MNAT1: variants seen among roughly 807,000 people sequenced by gnomAD.
The protein encoded by MNAT1 is MNAT1 component of CDK activating kinase.
MNAT1 carries 43 observed loss-of-function variants against 42.0 expected under a neutral mutation model. The ratio of observed to expected loss-of-function variants is 1.02; its 90% CI spans 0.80 to 1.32. The LOEUF is 1.32. Among genes scored for constraint, MNAT1 ranks in the 40% most tolerant of loss-of-function variants. The probability of loss-of-function intolerance (pLI) is 0.00; values close to 1 mark genes in which losing one functional copy is unlikely to be tolerated. For synonymous variants in MNAT1, 118 were observed against 120.0 expected (o/e 0.98, Z 0.11); for missense variants, 306 against 350.4 (o/e 0.87, Z 1.01).
At chr14:60,943,952 A>G (rs899532292) in intron 7 of MNAT1, among the ~76,000 whole-genome samples, 5 of 152,230 alleles carry the variant, frequency 3.3e-5, no homozygotes, top group East Asian at 1.9e-4. Context: ...TGTTATTCAT[A>G]TAAGTTTTGT....
chr14:60,759,576 A>G (rs2140298808), intron 1 of MNAT1, among the ~76,000 whole-genome samples: 1 of 152,314 alleles, frequency 6.6e-6, no homozygotes, highest in South Asian at 2.1e-4. Context: ...CATGAGATGC[A>G]TTCTTTAGTT....
intron 6 of MNAT1, among the ~76,000 whole-genome samples, chr14:60,845,171 T>A (rs1239231546): frequency 1.3e-5 from 2 of 151,916 alleles, no homozygotes; most frequent in African/African-American, 4.8e-5. Flanking sequence ...CTACCTTATG[T>A]TTGAAAGAGT....
intron 1 of MNAT1, among the ~76,000 whole-genome samples, chr14:60,736,122 G>A (rs1028756370): frequency 1.3e-5 from 2 of 152,218 alleles, no homozygotes; most frequent in Non-Finnish European, 2.9e-5. Flanking sequence ...GTAGAGCTGT[G>A]ATTGAATGAT....
intron 6 of MNAT1, among the ~76,000 whole-genome samples, chr14:60,857,054 G>A (rs932649905): frequency 8.5e-5 from 13 of 152,254 alleles, no homozygotes; most frequent in East Asian, 1.9e-4. Context: ...TAAAATGGGC[G>A]CAACCAAGTC....
In MNAT1 at chr14:60,818,706, T is replaced by TG. The variant is rs753778633; in HGVS notation, c.562-15dup. On this transcript the variant is annotated splice_polypyrimidine_tract_variant and intron_variant, in intron 5 of 7. Transcript: ENST00000261245. ...CCCTTTTTACATTTCTTATTGAACT[T>TG]GAACTATTCTTACAGGAGAGTTCTG... 3.2e-6 allele frequency: 5 copies of TG among 1,546,152 alleles called. No individual in the cohort carries two copies. In the Admixed American group the frequency reaches 9.8e-5, roughly 30 times the overall value.
At chr14:60,815,260 A>G (rs2032676018) in intron 5 of MNAT1, among the ~76,000 whole-genome samples, 1 of 150,864 alleles carries the variant, frequency 6.6e-6, no homozygotes, top group Non-Finnish European at 1.5e-5. Context: ...TCTGTGCCCC[A>G]GCTGGAGTGC....
chr14:60,752,368 T>TA (rs1478413490), intron 1 of MNAT1, among the ~76,000 whole-genome samples: 1 of 152,198 alleles, frequency 6.6e-6, no homozygotes, highest in Non-Finnish European at 1.5e-5. Context: ...TTGCATTTTT[T>TA]AAAAAATGTA....
intron 7 of MNAT1, among the ~76,000 whole-genome samples, chr14:60,930,723 G>C (rs912757847): frequency 6.6e-6 from 1 of 152,126 alleles, no homozygotes; most frequent in African/African-American, 2.4e-5. Context: ...GACAGAACAG[G>C]GTGCCTTGAG....
chr14:60,922,701 C>T (rs1388286097), intron 7 of MNAT1, among the ~76,000 whole-genome samples: 1 of 151,954 alleles, frequency 6.6e-6, no homozygotes, highest in Non-Finnish European at 1.5e-5. Context: ...AAGTTTTTCT[C>T]TTAAGGCTAG....
chr14:60,862,267 A>G (rs1594811819), intron 6 of MNAT1, among the ~76,000 whole-genome samples: 2 of 152,346 alleles, frequency 1.3e-5, no homozygotes, highest in East Asian at 3.9e-4. Context: ...TATAACTGTT[A>G]GCACATATGC....
At chr14:60,822,324 T>A (rs1015863682) in intron 6 of MNAT1, among the ~76,000 whole-genome samples, 1 of 152,214 alleles carries the variant, frequency 6.6e-6, no homozygotes, top group Non-Finnish European at 1.5e-5. Flanking sequence ...AACCTGAACA[T>A]GATATGAACA....
At chr14:60,930,546 C>G (rs2035864211) in intron 7 of MNAT1, among the ~76,000 whole-genome samples, 1 of 152,048 alleles carries the variant, frequency 6.6e-6, no homozygotes, top group Admixed American at 6.6e-5. Context: ...CTTTCAAAAG[C>G]TGACAGTCTG....
chr14:60,772,402 T>G (rs1402437180), intron 1 of MNAT1, among the ~76,000 whole-genome samples: 3 of 152,144 alleles, frequency 2.0e-5, no homozygotes, highest in Admixed American at 6.5e-5. Context: ...CTGACCAACA[T>G]GGTAAAACCC....
chr14:60,748,268 T>C (rs906358275), intron 1 of MNAT1, among the ~76,000 whole-genome samples: 17 of 152,244 alleles, frequency 1.1e-4, no homozygotes, highest in Middle Eastern at 3.4e-3. Context: ...TCTTGCTCTG[T>C]CACCCAGGCT....
intron 6 of MNAT1, among the ~76,000 whole-genome samples, chr14:60,866,307 CTTTTT>C (rs58874872): frequency 5.0e-4 from 47 of 94,410 alleles, no homozygotes; most frequent in Non-Finnish European, 9.2e-4. Flanking sequence ...TTATTTTGAC[CTTTTT>C]TTTTTTTTTT....
intron 6 of MNAT1, among the ~76,000 whole-genome samples, chr14:60,844,259 A>G (rs1356018611): frequency 6.6e-6 from 1 of 152,132 alleles, no homozygotes; most frequent in Non-Finnish European, 1.5e-5. Flanking sequence ...AGTTTTTACA[A>G]AAATTCTTGG....
At chr14:60,756,257 A>G (rs1470863562) in intron 1 of MNAT1, among the ~76,000 whole-genome samples, 8 of 152,210 alleles carry the variant, frequency 5.3e-5, no homozygotes, top group African/African-American at 1.7e-4. Flanking sequence ...AACCATACAC[A>G]TTTGTTGAAC....
At chr14:60,915,187 A>G (rs563235887) in intron 7 of MNAT1, among the ~76,000 whole-genome samples, 2 of 152,214 alleles carry the variant, frequency 1.3e-5, no homozygotes, top group Admixed American at 1.3e-4. Context: ...TTACCTCTGT[A>G]TTTCTAAATA....
At chr14:60,754,893 C>T (rs989850884) in intron 1 of MNAT1, among the ~76,000 whole-genome samples, 1 of 152,078 alleles carries the variant, frequency 6.6e-6, no homozygotes, top group African/African-American at 2.4e-5. Context: ...CATGAAGTAG[C>T]AATTTGAGAA....
Sources: allele counts gnomAD v4.1 joint callset (sites outside exome capture counted in the v4.1 genomes callset), GRCh38; gene constraint gnomAD v4.1.1; transcripts MANE v1.5; gene names NCBI Gene and HGNC (gene_info 2026-07-23, HGNC 2026-07-21).